NRCAM: variants seen among roughly 807,000 people sequenced by gnomAD.
The protein encoded by NRCAM is neuronal cell adhesion molecule.
NRCAM carries 83 observed loss-of-function variants against 156.5 expected under a neutral mutation model. The observed-to-expected ratio is 0.53, with a 90% confidence interval of 0.44 to 0.64. The LOEUF (loss-of-function observed/expected upper bound fraction) is 0.64, where lower values mean the gene tolerates loss of function less well. Among genes scored for constraint, NRCAM ranks in the 30% least tolerant of loss-of-function variants. NRCAM has a pLI of 0.00. For synonymous variants in NRCAM, 538 were observed against 563.9 expected (o/e 0.95, Z 0.65); for missense variants, 1,417 against 1,597.3 (o/e 0.89, Z 1.92).
At chr7:108,189,416 G>C (rs439652) in intron 20 of NRCAM, among the ~76,000 whole-genome samples, 105,085 of 152,094 alleles carry the variant, frequency 0.69, 37,945 homozygotes, top group East Asian at 0.96. Flanking sequence ...CAGTGTATTT[G>C]ATTAGTCAAC....
chr7:108,182,901 G>A lies in NRCAM; in HGVS notation c.2324C>T (p.Ser775Phe). The A allele has an allele frequency of 6.2e-7, 1 of 1,614,176 alleles. No homozygotes were observed. The highest frequency in any genetic ancestry group is 1.1e-5 in the South Asian group (1 of 91,080). ...TTTGTACTGAAGGCCTGGCCCATTA[G>A]ATTCGAAACCATTCAAGGGCTACAA... is the stretch of plus-strand genomic sequence containing the variant. ...ITWKPLNGFESNGPGLQYKVS... is the reference protein window; with the variant it reads ...ITWKPLNGFEFNGPGLQYKVS... The change falls in exon 23 of 33, where the codon TCT becomes TTT. Residue 775 changes from serine (S) to phenylalanine (F), a missense_variant. Ser to Phe is a radical substitution (Grantham distance 155). Coordinates refer to ENST00000379028, the MANE Select transcript of NRCAM (RefSeq NM_001037132.4).
intron 16 of NRCAM, 24 bp downstream of exon 16, chr7:108,194,238 T>C (rs1429580920): frequency 6.2e-7 from 1 of 1,611,340 alleles, no homozygotes; most frequent in Non-Finnish European, 8.5e-7. Context: ...CATTTAAAAA[T>C]TAAACACATT....
chr7:108,417,813 C>T (rs1803593695), intron 1 of NRCAM, among the ~76,000 whole-genome samples: 1 of 152,072 alleles, frequency 6.6e-6, no homozygotes, highest in Non-Finnish European at 1.5e-5. Context: ...GGTGTTAATA[C>T]CTGGTTAAAT....
At chr7:108,178,584 G>A (rs2061897497) in intron 25 of NRCAM, among the ~76,000 whole-genome samples, 1 of 152,168 alleles carries the variant, frequency 6.6e-6, no homozygotes, top group South Asian at 2.1e-4. Context: ...GCATGCCCAG[G>A]TGCAGAAACG....
At chr7:108,391,481 A>T (rs1404976079) in intron 2 of NRCAM, among the ~76,000 whole-genome samples, 4 of 151,668 alleles carry the variant, frequency 2.6e-5, no homozygotes, top group African/African-American at 9.7e-5. Context: ...TGCATGTGAG[A>T]TGGGTTTCCT....
chr7:108,233,986 G>A (rs139161586), intron 6 of NRCAM, among the ~76,000 whole-genome samples: 1 of 152,160 alleles, frequency 6.6e-6, no homozygotes, highest in Non-Finnish European at 1.5e-5. Context: ...GCTTTGCAGT[G>A]ATCTAAAATG....
intron 1 of NRCAM, among the ~76,000 whole-genome samples, chr7:108,408,416 T>C (rs1173031489): frequency 6.6e-6 from 1 of 152,238 alleles, no homozygotes; most frequent in Admixed American, 6.5e-5. Flanking sequence ...ATGAGTGCCA[T>C]TCAAATCCAG....
At chr7:108,360,944 CAA>C (rs1182343460) in intron 2 of NRCAM, among the ~76,000 whole-genome samples, 7 of 152,020 alleles carry the variant, frequency 4.6e-5, no homozygotes, top group Non-Finnish European at 1.5e-5. Context: ...ATCAAAAGTA[CAA>C]GTGACAAAAG....
At chr7:108,401,387 A>C (rs974219952) in intron 1 of NRCAM, among the ~76,000 whole-genome samples, 6 of 151,988 alleles carry the variant, frequency 3.9e-5, no homozygotes, top group Admixed American at 1.3e-4. Context: ...AACAAACAAA[A>C]AAAATTATCT....
intron 28 of NRCAM, among the ~76,000 whole-genome samples, chr7:108,174,434 C>G (rs1200405525): frequency 1.3e-5 from 2 of 152,236 alleles, no homozygotes; most frequent in Admixed American, 6.5e-5. Flanking sequence ...TTTATACTCA[C>G]CTGATGTGCG....
At chr7:108,455,435 T>C (rs1330726196) in intron 1 of NRCAM, among the ~76,000 whole-genome samples, 1 of 152,104 alleles carries the variant, frequency 6.6e-6, no homozygotes, top group Non-Finnish European at 1.5e-5. Flanking sequence ...GAGCCTGGGC[T>C]GGGAAAGCAA....
At chr7:108,216,727 G>A (rs936623010) in intron 11 of NRCAM, among the ~76,000 whole-genome samples, 6 of 151,896 alleles carry the variant, frequency 4.0e-5, no homozygotes, top group East Asian at 1.9e-4. Context: ...TTGTGTATGC[G>A]TCACGAAGTT....
chr7:108,424,221 G>T (rs1814078650), intron 1 of NRCAM, among the ~76,000 whole-genome samples: 2 of 152,168 alleles, frequency 1.3e-5, no homozygotes, highest in South Asian at 2.1e-4. Flanking sequence ...ACCAGGAGTG[G>T]GGCATCGAAG....
intron 2 of NRCAM, among the ~76,000 whole-genome samples, chr7:108,345,318 C>T (rs980021870): frequency 3.3e-5 from 5 of 152,122 alleles, no homozygotes; most frequent in African/African-American, 1.2e-4. Context: ...AATATCAAAT[C>T]TGGCAGTAAG....
chr7:108,172,047 G>A (rs1395532323), intron 28 of NRCAM, among the ~76,000 whole-genome samples: 1 of 152,196 alleles, frequency 6.6e-6, no homozygotes, highest in Non-Finnish European at 1.5e-5. Context: ...CAAGAATGCA[G>A]ATTCCTGCTT....
intron 25 of NRCAM, among the ~76,000 whole-genome samples, chr7:108,178,946 T>C (rs1294846710): frequency 6.6e-6 from 1 of 152,158 alleles, no homozygotes; most frequent in Non-Finnish European, 1.5e-5. Context: ...TCCACTTCCT[T>C]AATCTAAATC....
chr7:108,355,944 T>C (rs1159707307), intron 2 of NRCAM, among the ~76,000 whole-genome samples: 1 of 34,310 alleles, frequency 2.9e-5, no homozygotes, highest in Non-Finnish European at 9.0e-5. Flanking sequence ...TACAGTAAGA[T>C]TTTTTTTTTT....
At chr7:108,205,832 G>A (rs1005452270) in intron 13 of NRCAM, among the ~76,000 whole-genome samples, 9 of 151,634 alleles carry the variant, frequency 5.9e-5, no homozygotes, top group Non-Finnish European at 1.0e-4. Context: ...CAAGAAATCC[G>A]CCCGCCATAG....
intron 28 of NRCAM, 117 bp from the exon 29 acceptor site, chr7:108,168,519 C>T (rs1008738650): frequency 2.1e-5 from 21 of 1,007,104 alleles, no homozygotes; most frequent in African/African-American, 6.7e-5. Context: ...GAATTTACTG[C>T]TAAAATTTAG....
Sources: allele counts gnomAD v4.1 joint callset (sites outside exome capture counted in the v4.1 genomes callset), GRCh38; gene constraint gnomAD v4.1.1; transcripts MANE v1.5; gene names NCBI Gene and HGNC (gene_info 2026-07-23, HGNC 2026-07-21).